The following PRRX2 variants were observed in gnomAD, a reference collection of about 807,000 sequenced individuals.
PRRX2 encodes paired mesoderm homeobox protein 2.
A neutral mutation model predicts 18.0 loss-of-function variants in PRRX2; 11 were observed. That is an observed-to-expected ratio of 0.61 (90% CI 0.39 to 1.01). PRRX2 has a LOEUF of 1.01. Ranked by LOEUF, PRRX2 falls within the 50% of genes least tolerant of loss-of-function variation. The pLI, the probability that PRRX2 is intolerant of heterozygous loss-of-function variation, is 0.01. For missense variants in PRRX2, 387 were observed against 351.0 expected (o/e 1.10, Z -0.82); for synonymous variants, 177 against 154.8 (o/e 1.14, Z -1.06).
At chr9:129,669,302 C>G (rs962970537) in intron 1 of PRRX2, among the ~76,000 whole-genome samples, 1 of 152,210 alleles carries the variant, frequency 6.6e-6, no homozygotes, top group African/African-American at 2.4e-5. Flanking sequence ...AAACCAGGGT[C>G]GCGGGTTCCT....
rs1231296475 is a variant in PRRX2 at position 129,709,385 on chromosome 9, C to T, written c.260-9846C>T. Among the ~76,000 whole-genome samples the T allele has an allele frequency of 6.6e-6, 1 of 152,174 alleles. No individual in the cohort carries two copies. Among genetic ancestry groups the T allele is most frequent in the African/African-American group, 2.4e-5 (1 of 41,448 alleles). ...GAGGTTTGTGGGGGACATGAGGGAA[C>T]CTCCTCCAGCCTCCTCCAAACTCCA... On this transcript the variant is annotated intron_variant, in intron 1 of 3. Transcript: ENST00000372469. The surrounding 1 kb of genome is among the most constrained non-coding windows in gnomAD (Gnocchi z 4.2).
intron 1 of PRRX2, among the ~76,000 whole-genome samples, chr9:129,680,400 C>CAAAAA (rs1207606607): frequency 2.3e-5 from 2 of 85,754 alleles, no homozygotes; most frequent in Non-Finnish European, 4.3e-5. Context: ...GACTCCGTCT[C>CAAAAA]AAAAAAAAAA....
intron 1 of PRRX2, among the ~76,000 whole-genome samples, chr9:129,694,147 G>T (rs957516358): frequency 1.3e-5 from 2 of 152,110 alleles, no homozygotes; most frequent in South Asian, 4.1e-4. Context: ...GCCTGAGTGT[G>T]CTCAAAAACA....
At chr9:129,705,431 G>A (rs113333577) in intron 1 of PRRX2, among the ~76,000 whole-genome samples, 8,973 of 152,106 alleles carry the variant, frequency 0.059, 511 homozygotes, top group East Asian at 0.32. Context: ...CCTGGCCCAC[G>A]GCAACCTCCG....
intron 1 of PRRX2, among the ~76,000 whole-genome samples, chr9:129,666,569 C>CCT (rs1832026660): frequency 9.5e-6 from 1 of 105,656 alleles, no homozygotes; most frequent in African/African-American, 4.9e-5. Context: ...GGGTGCCTGC[C>CCT]CACCCCCCCC....
intron 1 of PRRX2, among the ~76,000 whole-genome samples, chr9:129,677,932 T>C (rs1832180917): frequency 6.6e-6 from 1 of 151,544 alleles, no homozygotes; most frequent in African/African-American, 2.4e-5. Flanking sequence ...AATTTAAGGC[T>C]GCGGCTGCTT....
Position 129,693,528 on chromosome 9 carries a change from AG to A in PRRX2, c.260-25701del, listed in dbSNP as rs1419648530. On this transcript the variant is annotated intron_variant, in intron 1 of 3. Coordinates refer to ENST00000372469, the MANE Select transcript of PRRX2 (RefSeq NM_016307.4). ...AGAATCACTTGAACCCAGGAGGCAGAGGTTGCAGTGAGCTGAGATCACGCTA... is the reference window on the plus strand; with the variant it reads ...AGAATCACTTGAACCCAGGAGGCAGAGTTGCAGTGAGCTGAGATCACGCTA... Among the ~76,000 whole-genome samples, 10 of 150,876 alleles carry A rather than the reference AG, an allele frequency of 6.6e-5. No individual in the cohort carries two copies. The East Asian group carries it at 2.0e-3, about 30-fold the overall frequency.
intron 1 of PRRX2, among the ~76,000 whole-genome samples, chr9:129,697,544 A>G (rs1832442409): frequency 1.3e-5 from 2 of 150,948 alleles, no homozygotes; most frequent in African/African-American, 4.9e-5. Context: ...GCTCGCACGC[A>G]CTGGCTGGCG....
At chr9:129,711,453 T>G (rs2130930543) in intron 1 of PRRX2, among the ~76,000 whole-genome samples, 1 of 142,680 alleles carries the variant, frequency 7.0e-6, no homozygotes, top group East Asian at 2.1e-4. Context: ...TTGCCCAGGC[T>G]GGAGTGCAGT....
At chr9:129,700,533 G>A (rs933054005) in intron 1 of PRRX2, among the ~76,000 whole-genome samples, 3 of 151,768 alleles carry the variant, frequency 2.0e-5, no homozygotes, top group Non-Finnish European at 4.4e-5. Context: ...TTTCACCATG[G>A]TGGCCAGGCT....
chr9:129,689,253 T>C (rs1452593166), intron 1 of PRRX2, among the ~76,000 whole-genome samples: 2 of 152,216 alleles, frequency 1.3e-5, no homozygotes, highest in East Asian at 3.9e-4. Flanking sequence ...GAATCCTGCC[T>C]CTGCCACTTG....
intron 1 of PRRX2, among the ~76,000 whole-genome samples, chr9:129,693,607 A>C (rs1832386153): frequency 9.7e-6 from 1 of 102,666 alleles, no homozygotes; most frequent in African/African-American, 7.4e-5. Flanking sequence ...TCAAAAAAAA[A>C]AAAAAAAAAG....
Position 129,711,656 on chromosome 9 carries a change from G to A in PRRX2, c.260-7575G>A, listed in dbSNP as rs540737234. On this transcript the variant is annotated intron_variant, in intron 1 of 3. Coordinates refer to ENST00000372469, the MANE Select transcript of PRRX2 (RefSeq NM_016307.4). Reference sequence around the variant, plus strand: ...ACTCCTGACCTCAGGCATTCCACTCGCCTCGGCCTCCCAAAGTGCTGGGAT... The same window carrying A: ...ACTCCTGACCTCAGGCATTCCACTCACCTCGGCCTCCCAAAGTGCTGGGAT... Among the ~76,000 whole-genome samples, 27 of 152,078 alleles carry A rather than the reference G, an allele frequency of 1.8e-4. No homozygotes were observed. The South Asian group carries it at 5.6e-3, about 32-fold the overall frequency.
At chr9:129,706,565 A>C in intron 1 of PRRX2, among the ~76,000 whole-genome samples, 1 of 151,554 alleles carries the variant, frequency 6.6e-6, no homozygotes, top group East Asian at 1.9e-4. Flanking sequence ...TCCATCTCAA[A>C]AAAAAAAAAA....
At chr9:129,716,660 G>T (rs796444220) in intron 1 of PRRX2, among the ~76,000 whole-genome samples, 2 of 151,966 alleles carry the variant, frequency 1.3e-5, no homozygotes, top group African/African-American at 2.4e-5. Context: ...TTGCCATGTT[G>T]CCCAGGCTGG....
chr9:129,721,254 G>C (rs1279421253), intron 3 of PRRX2, among the ~76,000 whole-genome samples: 1 of 152,202 alleles, frequency 6.6e-6, no homozygotes, highest in Non-Finnish European at 1.5e-5. Context: ...AACTGACGCT[G>C]GGAGGGCTGA....
At chr9:129,702,413 A>AG (rs1449540104) in intron 1 of PRRX2, among the ~76,000 whole-genome samples, 1 of 152,078 alleles carries the variant, frequency 6.6e-6, no homozygotes, top group Non-Finnish European at 1.5e-5. Flanking sequence ...AAAAAAAAAA[A>AG]CTTTCTAGAA....
intron 1 of PRRX2, among the ~76,000 whole-genome samples, chr9:129,713,827 G>C (rs1436413615): frequency 2.7e-5 from 4 of 150,232 alleles, no homozygotes; most frequent in African/African-American, 9.8e-5. Flanking sequence ...ATTTTTAGTA[G>C]AGATGGGGTT....
chr9:129,716,361 AACATGAAGGGC>A (rs1832706377), intron 1 of PRRX2, among the ~76,000 whole-genome samples: 2 of 152,230 alleles, frequency 1.3e-5, no homozygotes, highest in African/African-American at 4.8e-5. Context: ...TGTGAAAAGG[AACATGAAGGGC>A]TCCGGTGTGC....
Sources: allele counts gnomAD v4.1 joint callset (sites outside exome capture counted in the v4.1 genomes callset), GRCh38; gene constraint gnomAD v4.1.1; non-coding constraint Gnocchi (gnomAD v3.1); transcripts MANE v1.5; gene names NCBI Gene and HGNC (gene_info 2026-07-23, HGNC 2026-07-21).